ADAM23: variants seen among roughly 807,000 people sequenced by gnomAD.
ADAM23 encodes the protein disintegrin and metalloproteinase domain-containing protein 23.
A neutral mutation model predicts 120.1 loss-of-function variants in ADAM23; 33 were observed. That is an observed-to-expected ratio of 0.27 (90% CI 0.21 to 0.37). The LOEUF is 0.37. Among genes scored for constraint, ADAM23 ranks in the 10% least tolerant of loss-of-function variants. ADAM23 has a pLI of 1.00. For synonymous variants in ADAM23, 367 were observed against 375.2 expected (o/e 0.98, Z 0.25); for missense variants, 862 against 1,058.2 (o/e 0.81, Z 2.57).
chr2:206,577,442 C>T (rs1698136560), intron 18 of ADAM23, among the ~76,000 whole-genome samples: 1 of 132,780 alleles, frequency 7.5e-6, no homozygotes, highest in African/African-American at 2.8e-5. Flanking sequence ...TCCCCAGAGT[C>T]TGATGTTCCC....
intron 17 of ADAM23, among the ~76,000 whole-genome samples, chr2:206,572,714 A>G (rs1182452008): frequency 1.3e-5 from 2 of 152,238 alleles, no homozygotes; most frequent in Non-Finnish European, 2.9e-5. Flanking sequence ...TTTAATATCT[A>G]TGCTAATAGG....
intron 25 of ADAM23, among the ~76,000 whole-genome samples, chr2:206,616,587 T>A (rs182077666): frequency 2.1e-4 from 32 of 152,240 alleles, no homozygotes; most frequent in Non-Finnish European, 4.3e-4. Flanking sequence ...GAATTACTTG[T>A]GGGGGAGGAG....
In ADAM23 at chr2:206,543,298, A is replaced by G. The variant is rs1285837876; in HGVS notation, c.702A>G (p.Leu234=). 1.2e-6 allele frequency: 2 copies of G among 1,614,074 alleles called. No homozygotes were observed. Among genetic ancestry groups the G allele is most frequent in the Non-Finnish European group, 8.5e-7 (1 of 1,179,928 alleles). Residue 234 remains leucine, a synonymous_variant, in exon 6 of 26, where the codon CTA becomes CTG. Coordinates refer to ENST00000264377, the MANE Select transcript of ADAM23 (RefSeq NM_003812.4). ...DDTFVYMIEP[L]ELVHDEKSTG... ...CCTTCGTGTATATGATAGAGCCACT[A>G]GAGCTGGTTCATGATGAGGTGAGTC...
intron 11 of ADAM23, among the ~76,000 whole-genome samples, chr2:206,560,893 T>G (rs986361900): frequency 6.6e-6 from 1 of 152,256 alleles, no homozygotes; most frequent in Admixed American, 6.5e-5. Flanking sequence ...TTTCAATTCC[T>G]GTGCTAGTAC....
At chr2:206,601,165 T>C (rs1698633697) in intron 24 of ADAM23, among the ~76,000 whole-genome samples, 1 of 152,216 alleles carries the variant, frequency 6.6e-6, no homozygotes, top group Admixed American at 6.5e-5. Flanking sequence ...AGTGGAACTT[T>C]TCTCATTTGA....
chr2:206,497,432 G>T (rs1696277421), intron 3 of ADAM23, among the ~76,000 whole-genome samples: 2 of 152,052 alleles, frequency 1.3e-5, no homozygotes, highest in Admixed American at 6.6e-5. Flanking sequence ...TGCAGAAAAG[G>T]CCTTTGAAAA....
rs118189398 is a variant in ADAM23 at position 206,464,900 on chromosome 2, C to A, written c.433-16332C>A. On this transcript the variant is annotated intron_variant, in intron 2 of 25. Transcript: ENST00000264377. The stretch of plus-strand genomic sequence containing the variant: ...GGTCAATAGTGCTGAGGTAGAGAAA[C>A]CCTGCAGTAGAACTTGTAAACTTAT... Among the ~76,000 whole-genome samples the A allele has an allele frequency of 1.6e-4, 25 of 152,086 alleles. No homozygotes were observed. The East Asian group carries it at 4.8e-3, about 29-fold the overall frequency.
chr2:206,587,311 A>G lies in ADAM23; in HGVS notation c.1738-14A>G, dbSNP rs2105845041. On this transcript the variant is annotated splice_polypyrimidine_tract_variant and intron_variant, in intron 18 of 25. Transcript: ENST00000264377. The stretch of plus-strand genomic sequence containing the variant: ...AGCATGCTGAATATTAACTAAAAAG[A>G]TAATATTTTGCAGTGCCCACCAAAT... The G allele has an allele frequency of 6.3e-7, 1 of 1,594,422 alleles. No individual in the cohort carries two copies. Among genetic ancestry groups the G allele is most frequent in the Non-Finnish European group, 8.6e-7 (1 of 1,165,334 alleles).
chr2:206,528,383 G>A (rs1054016913), intron 3 of ADAM23, among the ~76,000 whole-genome samples: 10 of 152,170 alleles, frequency 6.6e-5, no homozygotes, highest in African/African-American at 2.4e-4. Context: ...TTTTAAAAAG[G>A]AATGAGTAGA....
intron 2 of ADAM23, among the ~76,000 whole-genome samples, chr2:206,454,434 A>G (rs1574475943): frequency 1.3e-5 from 2 of 152,174 alleles, no homozygotes; most frequent in African/African-American, 2.4e-5. Flanking sequence ...ACAATTCAAC[A>G]TGAGATTTGG....
chr2:206,513,092 A>T (rs1696659664), intron 3 of ADAM23, among the ~76,000 whole-genome samples: 1 of 152,088 alleles, frequency 6.6e-6, no homozygotes, highest in Admixed American at 6.5e-5. Flanking sequence ...GAAACACAAC[A>T]ATTTTGAAAT....
Position 206,617,720 on chromosome 2 carries a change from C to G in ADAM23, c.*93C>G. 1.9e-6 allele frequency: 3 copies of G among 1,563,820 alleles called. No individual in the cohort carries two copies. The highest frequency in any genetic ancestry group is 2.6e-6 in the Non-Finnish European group (3 of 1,155,264). ...TTACTGGAACTATTAAGTTTGTAAACAAAACCTTTGGGTGGTAATGACTAC... is the reference window on the plus strand; with the variant it reads ...TTACTGGAACTATTAAGTTTGTAAAGAAAACCTTTGGGTGGTAATGACTAC... On this transcript the variant is annotated 3_prime_UTR_variant, in exon 26 of 26. Coordinates refer to ENST00000264377, the MANE Select transcript of ADAM23 (RefSeq NM_003812.4).
intron 6 of ADAM23, among the ~76,000 whole-genome samples, chr2:206,545,347 G>T (rs530887213): frequency 1.3e-5 from 2 of 152,110 alleles, no homozygotes; most frequent in Admixed American, 6.6e-5. Context: ...TTAGCTGGGC[G>T]TGGTGACGGG....
intron 20 of ADAM23, 122 bp from the exon 21 acceptor site, chr2:206,589,287 A>C: frequency 1.4e-6 from 1 of 732,256 alleles, no homozygotes; most frequent in Non-Finnish European, 2.1e-6. Flanking sequence ...AAATGCTACA[A>C]ATCAGGATGT....
intron 3 of ADAM23, among the ~76,000 whole-genome samples, chr2:206,515,393 C>T (rs75921779): frequency 1.6e-4 from 24 of 152,226 alleles, no homozygotes; most frequent in Admixed American, 6.5e-4. Flanking sequence ...TATTTTGAAA[C>T]CAGCTTTGTT....
rs79406263 is a variant in ADAM23 at position 206,517,093 on chromosome 2, G to A, written c.510-13792G>A. 1.2e-3 allele frequency among the ~76,000 whole-genome samples: 188 copies of A among 152,198 alleles called. 4 individuals are homozygous for A. The East Asian group carries it at 0.031, about 25-fold the overall frequency. ...ACACAACACATACACCTAAACACAC[G>A]TATGCACTTTCTTTGTAAAGCTCTG... is the stretch of plus-strand genomic sequence containing the variant. On this transcript the variant is annotated intron_variant, in intron 3 of 25. Transcript: ENST00000264377.
chr2:206,601,001 A>G (rs1426504375), intron 24 of ADAM23, among the ~76,000 whole-genome samples: 1 of 152,190 alleles, frequency 6.6e-6, no homozygotes, highest in Non-Finnish European at 1.5e-5. Context: ...AAATCATTAT[A>G]GAAAATTATT....
At chr2:206,569,540 C>A (rs1177398660) in intron 15 of ADAM23, among the ~76,000 whole-genome samples, 4 of 152,000 alleles carry the variant, frequency 2.6e-5, no homozygotes, top group Non-Finnish European at 4.4e-5. Context: ...AGGAATCTTC[C>A]CCACTGCCAT....
chr2:206,605,691 C>T, intron 24 of ADAM23: 1 of 667,104 alleles, frequency 1.5e-6, no homozygotes, highest in Admixed American at 2.4e-5. Context: ...CAATATTTAG[C>T]CAACTTTCAA....
Sources: gnomAD v4.1 joint callset for allele counts (sites outside exome capture counted in the v4.1 genomes callset) on GRCh38, gnomAD v4.1.1 for gene constraint, MANE v1.5 for transcripts, NCBI Gene and HGNC (gene_info 2026-07-23, HGNC 2026-07-21) for gene names.